PARD3B: variants seen among roughly 807,000 people sequenced by gnomAD.
PARD3B encodes partitioning defective 3 homolog B.
Under a neutral mutation model 130.2 loss-of-function variants are expected in PARD3B, and 103 were observed. The observed-to-expected ratio is 0.79, with a 90% confidence interval of 0.67 to 0.93. PARD3B has a LOEUF of 0.93. PARD3B is among the 40% of genes least tolerant of loss of function. The probability of loss-of-function intolerance (pLI) is 0.00; values close to 1 mark genes in which losing one functional copy is unlikely to be tolerated. For missense variants in PARD3B, 1,609 were observed against 1,499.2 expected, an observed-to-expected ratio of 1.07 and a Z score of -1.21; for synonymous variants, 583 against 553.2, an observed-to-expected ratio of 1.05 and a Z score of -0.76.
At chr2:204,658,305 C>T (rs1353375189) in intron 1 of PARD3B, among the ~76,000 whole-genome samples, 2 of 152,080 alleles carry the variant, frequency 1.3e-5, no homozygotes, top group African/African-American at 4.8e-5. Flanking sequence ...GAGTACTAGG[C>T]ATGGAGTTGG....
intron 2 of PARD3B, among the ~76,000 whole-genome samples, chr2:204,711,609 G>A (rs2038439936): frequency 6.6e-6 from 1 of 151,586 alleles, no homozygotes; most frequent in African/African-American, 2.4e-5. Context: ...ACAGTGGCAC[G>A]ATCTTGGCTC....
At chr2:205,538,949 A>G (rs764478474) in intron 21 of PARD3B, among the ~76,000 whole-genome samples, 1 of 152,202 alleles carries the variant, frequency 6.6e-6, no homozygotes, top group Non-Finnish European at 1.5e-5. Context: ...CTGAGTGGGT[A>G]TTACTAATCG....
chr2:205,396,097 T>C (rs2046019246), intron 18 of PARD3B, among the ~76,000 whole-genome samples: 2 of 152,224 alleles, frequency 1.3e-5, no homozygotes, highest in South Asian at 4.1e-4. Context: ...TTGCATGTGC[T>C]GTTTCCTTCA....
At chr2:204,796,770 T>C in intron 2 of PARD3B, among the ~76,000 whole-genome samples, 1 of 152,228 alleles carries the variant, frequency 6.6e-6, no homozygotes. Flanking sequence ...CGTCGTTGGT[T>C]TTCAGTTTCT....
chr2:205,115,614 A>T (rs937536994), intron 6 of PARD3B, among the ~76,000 whole-genome samples: 2 of 152,220 alleles, frequency 1.3e-5, no homozygotes, highest in East Asian at 1.9e-4. Context: ...AAATTTAATT[A>T]AAAAACATTA....
chr2:204,724,534 G>A (rs2039133931), intron 2 of PARD3B, among the ~76,000 whole-genome samples: 1 of 152,030 alleles, frequency 6.6e-6, no homozygotes, highest in Non-Finnish European at 1.5e-5. Context: ...ACTGTTTTGG[G>A]TGACCTCGGT....
chr2:205,468,967 C>CTT (rs76646191), intron 20 of PARD3B, among the ~76,000 whole-genome samples: 3 of 145,730 alleles, frequency 2.1e-5, no homozygotes, highest in African/African-American at 2.5e-5. Flanking sequence ...TCCCCTCTAT[C>CTT]TTTTTTTTTT....
chr2:204,838,217 C>G (rs1325612664), intron 2 of PARD3B, among the ~76,000 whole-genome samples: 4 of 141,520 alleles, frequency 2.8e-5, no homozygotes, highest in African/African-American at 9.9e-5. Context: ...GAGTCTCACT[C>G]TGTCGCCCAG....
At position 205,550,768 on chromosome 2, in the gene PARD3B, A is replaced by G. The variant is rs1408868818; in HGVS notation, c.3181-2556A>G. Among the ~76,000 whole-genome samples the G allele has an allele frequency of 6.6e-6, 1 of 150,926 alleles. No homozygotes were observed. The highest frequency in any genetic ancestry group is 1.5e-5 in the Non-Finnish European group (1 of 67,806). ...GTGTATGTATACTATATATAAATAC[A>G]TATATGTATATACATGCAAATATAC... On this transcript the variant is annotated intron_variant, in intron 21 of 22. Transcript: ENST00000406610. The surrounding 1 kb of genome is among the most constrained non-coding windows in gnomAD (Gnocchi z 4.5).
At chr2:205,607,897 A>T (rs2055072867) in intron 22 of PARD3B, among the ~76,000 whole-genome samples, 2 of 149,442 alleles carry the variant, frequency 1.3e-5, no homozygotes, top group Non-Finnish European at 3.0e-5. Context: ...TGAAGATGGA[A>T]GTGTTTAAGT....
intron 2 of PARD3B, among the ~76,000 whole-genome samples, chr2:204,873,289 C>A (rs2045704745): frequency 1.3e-5 from 2 of 152,144 alleles, no homozygotes; most frequent in South Asian, 4.1e-4. Context: ...GACGTGAATG[C>A]CATTCAGTCC....
At chr2:205,567,614 G>A (rs1575383404) in intron 22 of PARD3B, among the ~76,000 whole-genome samples, 2 of 151,234 alleles carry the variant, frequency 1.3e-5, no homozygotes, top group East Asian at 1.9e-4. Flanking sequence ...GAGCCACCGC[G>A]CCCGGCCTGT....
At chr2:205,394,629 G>T (rs1241592569) in intron 18 of PARD3B, among the ~76,000 whole-genome samples, 1 of 152,158 alleles carries the variant, frequency 6.6e-6, no homozygotes, top group Non-Finnish European at 1.5e-5. Context: ...AAATATGGTT[G>T]TGTAACTGCA....
rs573630332 is a variant in PARD3B at position 204,658,454 on chromosome 2, C to T, written c.121-27727C>T. Among the ~76,000 whole-genome samples, 4 of 152,234 alleles carry T rather than the reference C, an allele frequency of 2.6e-5. No homozygotes were observed. The East Asian group carries it at 7.7e-4, about 29-fold the overall frequency. ...TCTCTTGGTCTTAGTAAATAAGTAGCCTGAACTAAAGATCCTAGGAAAGAT... is the reference window on the plus strand; with the variant it reads ...TCTCTTGGTCTTAGTAAATAAGTAGTCTGAACTAAAGATCCTAGGAAAGAT... On this transcript the variant is annotated intron_variant, in intron 1 of 22. Coordinates refer to ENST00000406610, the MANE Select transcript of PARD3B (RefSeq NM_001302769.2).
Position 205,562,298 on chromosome 2 carries a change from TTAGAATA to T in PARD3B, c.3260+8897_3260+8903del, listed in dbSNP as rs2053166951. 6.6e-6 allele frequency among the ~76,000 whole-genome samples: 1 copy of T among 152,240 alleles called. No homozygotes were observed. On this transcript the variant is annotated intron_variant, in intron 22 of 22. Coordinates refer to ENST00000406610, the MANE Select transcript of PARD3B (RefSeq NM_001302769.2). This position sits in a 1 kb window ranked among gnomAD's most constrained non-coding sequence, Gnocchi z 5.4. ...TCAAAGGCCTCCATTATGAGTTTAG[TTAGAATA>T]TTAGTGATTTAAAACATGTTAAGAC...
chr2:204,668,812 T>C (rs1559044157), intron 1 of PARD3B, among the ~76,000 whole-genome samples: 1 of 152,178 alleles, frequency 6.6e-6, no homozygotes, highest in Non-Finnish European at 1.5e-5. Context: ...CATATGAAAT[T>C]AAGATTGGTC....
intron 19 of PARD3B, among the ~76,000 whole-genome samples, chr2:205,419,204 TG>T (rs1235115365): frequency 6.6e-6 from 1 of 152,118 alleles, no homozygotes; most frequent in African/African-American, 2.4e-5. Flanking sequence ...TTTCCTGTGC[TG>T]TTCTCGTGAT....
intron 3 of PARD3B, among the ~76,000 whole-genome samples, chr2:204,988,987 C>G (rs1209402515): frequency 6.6e-6 from 1 of 152,200 alleles, no homozygotes; most frequent in Non-Finnish European, 1.5e-5. Flanking sequence ...TGTTCATGTT[C>G]TAGGCACTGG....
intron 1 of PARD3B, among the ~76,000 whole-genome samples, chr2:204,641,178 G>A (rs1403352426): frequency 6.7e-6 from 1 of 148,742 alleles, no homozygotes; most frequent in Admixed American, 6.7e-5. Context: ...ACCAGTACCC[G>A]AAAGGTCTGG....
Sources: gnomAD v4.1 joint callset for allele counts (sites outside exome capture counted in the v4.1 genomes callset) on GRCh38, gnomAD v4.1.1 for gene constraint, Gnocchi (gnomAD v3.1) non-coding constraint, MANE v1.5 for transcripts, NCBI Gene and HGNC (gene_info 2026-07-23, HGNC 2026-07-21) for gene names.